Variants in SPATA2 observed in about 807,000 individuals in gnomAD.
SPATA2 encodes the protein spermatogenesis-associated protein 2.
Under a neutral mutation model 35.4 loss-of-function variants are expected in SPATA2, and 8 were observed. That is an observed-to-expected ratio of 0.23 (90% confidence interval 0.13 to 0.41). The LOEUF (loss-of-function observed/expected upper bound fraction) is 0.41. Among genes scored for constraint, SPATA2 ranks in the 10% least tolerant of loss-of-function variants. The probability of loss-of-function intolerance (pLI) is 1.00; values close to 1 mark genes in which losing one functional copy is unlikely to be tolerated. For missense variants in SPATA2, 650 were observed against 698.7 expected, an observed-to-expected ratio of 0.93 and a Z score of 0.79; for synonymous variants, 293 against 300.9, an observed-to-expected ratio of 0.97 and a Z score of 0.27.
At chr20:49,913,301 T>C (rs1413654469) in intron 1 of SPATA2, among the ~76,000 whole-genome samples, 1 of 152,198 alleles carries the variant, frequency 6.6e-6, no homozygotes, top group Non-Finnish European at 1.5e-5. Flanking sequence ...ATCTGAACTC[T>C]TGCTGGGAGG....
At chr20:49,914,680 TAGTGGCAGCTGCCTCTCTCGG>T (rs1288979281) in intron 1 of SPATA2, among the ~76,000 whole-genome samples, 1 of 152,110 alleles carries the variant, frequency 6.6e-6, no homozygotes, top group East Asian at 1.9e-4. Context: ...GAAGCTTCCC[TAGTGGCAGCTGCCTCTCTCGG>T]AGAAGCTCTG....
Position 49,905,339 on chromosome 20 carries a change from C to A in SPATA2, c.*280G>T. On this transcript the variant is annotated 3_prime_UTR_variant, in exon 3 of 3. Transcript: ENST00000289431. ...CAACAAAACAAAACAAAACAAAACCCCAAAAAAAGAACCAACTGAACAGGG... is the reference window on the plus strand; with the variant it reads ...CAACAAAACAAAACAAAACAAAACCACAAAAAAAGAACCAACTGAACAGGG... 1 of 447,686 alleles carries A rather than the reference C, an allele frequency of 2.2e-6. No individual in the cohort carries two copies. The highest frequency in any genetic ancestry group is 4.5e-5 in the South Asian group (1 of 22,202). The allele number at this position is 447,686 out of a possible 1,614,324, so 27.7% of individuals were successfully genotyped here. A position where few individuals can be genotyped will look rare whatever the true frequency, so the allele number is the denominator to read the frequency against.
chr20:49,908,066 G>C, intron 2 of SPATA2, 89 bp downstream of exon 2: 1 of 1,274,250 alleles, frequency 7.8e-7, no homozygotes. Flanking sequence ...AGGATGGATG[G>C]GATCAGACTG....
chr20:49,907,018 G>A (rs935624206), intron 2 of SPATA2, among the ~76,000 whole-genome samples, 173 bp from the exon 3 acceptor site: 1 of 152,142 alleles, frequency 6.6e-6, no homozygotes, highest in Non-Finnish European at 1.5e-5. Flanking sequence ...CAGGAGCTGG[G>A]GCTTGCTAAG....
intron 1 of SPATA2, among the ~76,000 whole-genome samples, chr20:49,913,339 T>G (rs184260967): frequency 3.3e-5 from 5 of 152,318 alleles, no homozygotes; most frequent in Admixed American, 2.0e-4. Context: ...TTCTCCAATT[T>G]ACCTCACTCA....
At chr20:49,914,199 T>C (rs2090196815) in intron 1 of SPATA2, among the ~76,000 whole-genome samples, 1 of 152,076 alleles carries the variant, frequency 6.6e-6, no homozygotes, top group Non-Finnish European at 1.5e-5. Flanking sequence ...TATTGCACAG[T>C]CAGGGAGCCA....
At chr20:49,910,259 C>T (rs564596910) in intron 1 of SPATA2, among the ~76,000 whole-genome samples, 1 of 152,320 alleles carries the variant, frequency 6.6e-6, no homozygotes, top group African/African-American at 2.4e-5. Context: ...GCTCCACCTC[C>T]CTGGGTGTCG....
intron 1 of SPATA2, among the ~76,000 whole-genome samples, chr20:49,914,286 G>T (rs2090197299): frequency 6.6e-6 from 1 of 152,170 alleles, no homozygotes; most frequent in African/African-American, 2.4e-5. Context: ...TGGAAGTGAA[G>T]TGATTCCGAG....
chr20:49,914,840 C>G lies in SPATA2; in HGVS notation c.-103+540G>C, dbSNP rs73613340. 0.023 allele frequency among the ~76,000 whole-genome samples: 3,530 copies of G among 152,314 alleles called. 380 individuals carry two copies. In the East Asian group the frequency reaches 0.35, roughly 15 times the overall value. ...AGCCCAGTCTCAAATTCTGGCCCCC[C>G]CTACGGCTTCGTGAATTGAATGAAG... On this transcript the variant is annotated intron_variant, in intron 1 of 2. Coordinates refer to ENST00000289431, the MANE Select transcript of SPATA2 (RefSeq NM_006038.4).
At chr20:49,910,817 C>T (rs561957266) in intron 1 of SPATA2, among the ~76,000 whole-genome samples, 2 of 152,168 alleles carry the variant, frequency 1.3e-5, no homozygotes, top group African/African-American at 4.8e-5. Context: ...GGATGTGTAG[C>T]AAAACTAGGG....
rs749858962 is a variant in SPATA2 at position 49,906,879 on chromosome 20, TTTTC to T, written c.337-38_337-35del. On this transcript the variant is annotated intron_variant, in intron 2 of 2. Coordinates refer to ENST00000289431, the MANE Select transcript of SPATA2 (RefSeq NM_006038.4). The surrounding 1 kb of genome is among the most constrained non-coding windows in gnomAD (Gnocchi z 8.2). ...GAGGGAGTAGAAAAGAAAGGTGGGG[TTTTC>T]TGTCAGAGACACAAGACAGAGACTA... 1 of 1,572,936 alleles carries T rather than the reference TTTTC, an allele frequency of 6.4e-7. No homozygotes were observed. Among genetic ancestry groups the T allele is most frequent in the Non-Finnish European group, 8.6e-7 (1 of 1,157,444 alleles).
Position 49,903,950 on chromosome 20 carries a change from TATTA to T in SPATA2, c.*1665_*1668del, listed in dbSNP as rs2090124996. 3.1e-5 allele frequency: 3 copies of T among 95,312 alleles called. No individual in the cohort carries two copies. The highest frequency in any genetic ancestry group is 6.5e-5 in the Non-Finnish European group (3 of 46,438). The allele number at this position is 95,312 out of a possible 1,614,324, so 5.9% of individuals were successfully genotyped here. ...ATATATATATATATATATATATATA[TATTA>T]AAAAGAGAGCCATAGAAGATTTGGA... On this transcript the variant is annotated 3_prime_UTR_variant, in exon 3 of 3. Coordinates refer to ENST00000289431, the MANE Select transcript of SPATA2 (RefSeq NM_006038.4).
In SPATA2 at chr20:49,906,054, T is replaced by C. The variant is rs371703212; in HGVS notation, c.1128A>G (p.Lys376=). 3.1e-6 allele frequency: 5 copies of C among 1,606,258 alleles called. No individual in the cohort carries two copies. The highest frequency in any genetic ancestry group is 4.2e-6 in the Non-Finnish European group (5 of 1,179,282). ...SLYHKRSPPA[K]ESALSKCQSC... is the part of the protein sequence containing the mutation. Reference sequence around the variant, plus strand: ...TTTGGCACTTGGAGAGGGCGGACTCTTTGGCAGGGGGCGAGCGCTTGTGGT... The same window carrying C: ...TTTGGCACTTGGAGAGGGCGGACTCCTTGGCAGGGGGCGAGCGCTTGTGGT... Residue 376 remains lysine (K), a synonymous_variant, in exon 3 of 3, where the codon AAA becomes AAG. Transcript: ENST00000289431. This position sits in a 1 kb window ranked among gnomAD's most constrained non-coding sequence, Gnocchi z 8.2.
At chr20:49,910,751 C>T (rs771415332) in intron 1 of SPATA2, among the ~76,000 whole-genome samples, 2 of 152,194 alleles carry the variant, frequency 1.3e-5, no homozygotes, top group Admixed American at 6.5e-5. Context: ...GGCTCCTCCA[C>T]AGATTTTGTC....
In SPATA2 at chr20:49,905,884, T is replaced by A. The variant is rs1327624282; in HGVS notation, c.1298A>T (p.Tyr433Phe). The A allele has an allele frequency of 2.5e-6, 4 of 1,613,004 alleles. No individual in the cohort carries two copies. Among genetic ancestry groups the A allele is most frequent in the Non-Finnish European group, 3.4e-6 (4 of 1,180,014 alleles). Residue 433 changes from tyrosine to phenylalanine, a missense_variant, in exon 3 of 3, where the codon TAC becomes TTC. Physicochemically the swap from Tyr to Phe is conservative, Grantham distance 22 (BLOSUM62 3). Coordinates refer to ENST00000289431, the MANE Select transcript of SPATA2 (RefSeq NM_006038.4). ...GTCGAGGCCCTGAGTCTGGCCTGGG[T>A]ACTTCTCCCGCAGAGATGCCCCGTG... Reference protein sequence around the residue: ...LAHGASLREKYPGQTQGLDRL... With the variant: ...LAHGASLREKFPGQTQGLDRL...
rs951383023 is a variant in SPATA2 at position 49,906,906 on chromosome 20, C to T, written c.337-61G>A. Reference sequence around the variant, plus strand: ...TTCTGTCAGAGACACAAGACAGAGACTATGTCAAAGCAAAGGATGTCCAGC... The same window carrying T: ...TTCTGTCAGAGACACAAGACAGAGATTATGTCAAAGCAAAGGATGTCCAGC... On this transcript the variant is annotated intron_variant, in intron 2 of 2. Coordinates refer to ENST00000289431, the MANE Select transcript of SPATA2 (RefSeq NM_006038.4). The surrounding 1 kb of genome is among the most constrained non-coding windows in gnomAD (Gnocchi z 8.2). 2 of 1,539,198 alleles carry T rather than the reference C, an allele frequency of 1.3e-6. No homozygotes were observed. Among genetic ancestry groups the T allele is most frequent in the East Asian group, 2.3e-5 (1 of 44,192 alleles).
chr20:49,903,898 G>GATTATATATATATATAT lies in SPATA2; in HGVS notation c.*1720_*1721insATATATATATATATAAT, dbSNP rs2090121564. On this transcript the variant is annotated 3_prime_UTR_variant, in exon 3 of 3. Coordinates refer to ENST00000289431, the MANE Select transcript of SPATA2 (RefSeq NM_006038.4). ...CTGTACATCTACATGTGATCTACCA[G>GATTATATATATATATAT]ATAGATATATATATATATATATATA... 1 of 86,122 alleles carries GATTATATATATATATAT rather than the reference G, an allele frequency of 1.2e-5. No homozygotes were observed. The highest frequency in any genetic ancestry group is 2.3e-5 in the Non-Finnish European group (1 of 44,314). 5.3% of individuals were successfully genotyped at this position (86,122 alleles called of 1,614,324 possible). A position where few individuals can be genotyped will look rare whatever the true frequency, so the allele number is the denominator to read the frequency against.
intron 2 of SPATA2, among the ~76,000 whole-genome samples, chr20:49,907,170 C>G (rs1390053083): frequency 2.0e-5 from 3 of 152,342 alleles, no homozygotes; most frequent in South Asian, 4.1e-4. Context: ...AAGCGATTCT[C>G]CTGCCTCAGC....
rs2090122494 is a variant in SPATA2 at position 49,903,902 on chromosome 20, G to GATATATATAGATATATAT, written c.*1716_*1717insATATATATCTATATATAT. Reference sequence around the variant, plus strand: ...ACATCTACATGTGATCTACCAGATAGATATATATATATATATATATATATA... The same window carrying GATATATATAGATATATAT: ...ACATCTACATGTGATCTACCAGATAGATATATATAGATATATATATATATATATATATATATATATATA... On this transcript the variant is annotated 3_prime_UTR_variant, in exon 3 of 3. Coordinates refer to ENST00000289431, the MANE Select transcript of SPATA2 (RefSeq NM_006038.4). 2 of 96,930 alleles carry GATATATATAGATATATAT rather than the reference G, an allele frequency of 2.1e-5. No individual in the cohort carries two copies. The highest frequency in any genetic ancestry group is 5.2e-4 in the East Asian group (2 of 3,872). The allele number at this position is 96,930 out of a possible 1,614,324, so 6.0% of individuals were successfully genotyped here.
Sources: gnomAD v4.1 joint callset for allele counts (sites outside exome capture counted in the v4.1 genomes callset) on GRCh38, gnomAD v4.1.1 for gene constraint, Gnocchi (gnomAD v3.1) non-coding constraint, MANE v1.5 for transcripts, NCBI Gene and HGNC (gene_info 2026-07-23, HGNC 2026-07-21) for gene names.